Variants in ZNF629 observed in about 807,000 individuals in gnomAD.
The protein encoded by ZNF629 is DNA-binding protein.
A neutral mutation model predicts 59.7 loss-of-function variants in ZNF629; 9 were observed. The ratio of observed to expected loss-of-function variants is 0.15; its 90% CI spans 0.09 to 0.26. The LOEUF (loss-of-function observed/expected upper bound fraction) is 0.26, where lower values mean the gene tolerates loss of function less well. Among genes scored for constraint, ZNF629 ranks in the 10% least tolerant of loss-of-function variants. ZNF629 has a pLI of 1.00. For missense variants in ZNF629, 853 were observed against 1,165.4 expected, an observed-to-expected ratio of 0.73 and a Z score of 3.90; for synonymous variants, 509 against 498.9, an observed-to-expected ratio of 1.02 and a Z score of -0.27.
rs2054282332 is a variant in ZNF629, at chr16:30,781,705, C to G, written c.*13G>C. The G allele has an allele frequency of 6.3e-7, 1 of 1,599,048 alleles. No homozygotes were observed. Among genetic ancestry groups the G allele is most frequent in the African/African-American group, 1.3e-5 (1 of 74,092 alleles). On this transcript the variant is annotated 3_prime_UTR_variant, in exon 3 of 3. Coordinates refer to ENST00000262525, the MANE Select transcript of ZNF629 (RefSeq NM_001080417.3). ...CTCTGGAGAGAGCGAGGCCCCTGGTCTCCAGACCCATTTCACAGGGAGACA... is the reference window on the plus strand; with the variant it reads ...CTCTGGAGAGAGCGAGGCCCCTGGTGTCCAGACCCATTTCACAGGGAGACA...
Position 30,782,345 on chromosome 16 carries a change from G to A in ZNF629, c.1983C>T (p.Thr661=). ...SQRRGLLSSK[T]YICSHCGESF... ...TCTCTCCGCAGTGGGAGCAGATGTA[G>A]GTCTTGGAGGACAGCAGCCCCCGCC... The change falls in exon 3 of 3, where the codon ACC becomes ACT. Residue 661 remains threonine (T), a synonymous_variant. Transcript: ENST00000262525. 1 of 1,588,748 alleles carries A rather than the reference G, an allele frequency of 6.3e-7. No homozygotes were observed. The highest frequency in any genetic ancestry group is 8.6e-7 in the Non-Finnish European group (1 of 1,166,380).
At position 30,782,469 on chromosome 16, in the gene ZNF629, G is replaced by A; in HGVS notation, c.1859C>T (p.Pro620Leu). The stretch of plus-strand genomic sequence containing the variant: ...CCCGGGGTAGGAATTCCCTCTGAAA[G>A]GGAGCCTTGGGGATCGTAACTGAGG... ...KPPQLRSPRL[P>L]FRGNSYPGAA... Residue 620 changes from proline to leucine, a missense_variant, in exon 3 of 3, where the codon CCT becomes CTT. Physicochemically the swap from Pro to Leu is moderately conservative, Grantham distance 98 (BLOSUM62 -3). Transcript: ENST00000262525. The A allele has an allele frequency of 1.3e-6, 2 of 1,567,156 alleles. No homozygotes were observed. The highest frequency in any genetic ancestry group is 2.4e-5 in the East Asian group (1 of 42,222).
rs558609205 is a variant in ZNF629, at chr16:30,784,469, G to A, written c.14C>T (p.Thr5Ile). Residue 5 changes from threonine (T) to isoleucine (I), a missense_variant, in exon 2 of 3, where the codon ACT (threonine) becomes ATT (isoleucine). By Grantham distance (89) the Thr-to-Ile change is moderately conservative. Transcript: ENST00000262525. MEPETALWGPDLQGP... is the reference protein window; with the variant it reads MEPEIALWGPDLQGP... Reference sequence around the variant, plus strand: ...CTGCAGATCCGGGCCCCACAGCGCAGTCTCGGGCTCCATCCCAGAGCTCAG... The same window carrying A: ...CTGCAGATCCGGGCCCCACAGCGCAATCTCGGGCTCCATCCCAGAGCTCAG... 1.3e-6 allele frequency: 2 copies of A among 1,552,868 alleles called. No individual in the cohort carries two copies. Among genetic ancestry groups the A allele is most frequent in the Admixed American group, 1.9e-5 (1 of 52,140 alleles).
Position 30,782,646 on chromosome 16 carries a change from G to A in ZNF629, c.1682C>T (p.Thr561Ile), listed in dbSNP as rs1567294404. 3 of 1,579,826 alleles carry A rather than the reference G, an allele frequency of 1.9e-6. No individual in the cohort carries two copies. Among genetic ancestry groups the A allele is most frequent in the Non-Finnish European group, 2.6e-6 (3 of 1,163,346 alleles). ...GTGCGGCTTGGCTCCCGGCGGCGGG[G>A]TCAGCAGGGAGGGGTCCCCGAGCCC... is the stretch of plus-strand genomic sequence containing the variant. ...LLGLGDPSLL[T>I]PPPGAKPHKC... Residue 561 changes from threonine (T) to isoleucine (I), a missense_variant, in exon 3 of 3, where the codon ACC becomes ATC. This residue lies in a region of ZNF629 where 420 missense variants were observed against 435.6 expected (regional missense o/e 0.96). Coordinates refer to ENST00000262525, the MANE Select transcript of ZNF629 (RefSeq NM_001080417.3).
At position 30,778,937 on chromosome 16, in the gene ZNF629, C is replaced by A. The variant is rs539527557; in HGVS notation, c.*2781G>T. 6.6e-6 allele frequency: 1 copy of A among 152,262 alleles called. No individual in the cohort carries two copies. The highest frequency in any genetic ancestry group is 2.4e-5 in the African/African-American group (1 of 41,404). The allele number at this position is 152,262 out of a possible 1,614,324, so 9.4% of individuals were successfully genotyped here. A position where few individuals can be genotyped will look rare whatever the true frequency, so the allele number is the denominator to read the frequency against. On this transcript the variant is annotated 3_prime_UTR_variant, in exon 3 of 3. Transcript: ENST00000262525. ...TTGACCCCTGGGCCTTCATCTGAGC[C>A]GATCTGAGCAACTCTAGCCACTGCC...
Position 30,783,049 on chromosome 16 carries a change from C to G in ZNF629, c.1279G>C (p.Glu427Gln). Residue 427 changes from glutamate to glutamine, a missense_variant, in exon 3 of 3, where the codon GAG becomes CAG. This residue lies in a region of ZNF629 where 201 missense variants were observed against 536.5 expected (regional missense o/e 0.37). Coordinates refer to ENST00000262525, the MANE Select transcript of ZNF629 (RefSeq NM_001080417.3). ...LINHQRIHRG[E>Q]RPYICADCGK... ...CAGTCGGCGCAGATGTAGGGCCGCTCGCCGCGGTGGATGCGCTGGTGGTTG... is the reference window on the plus strand; with the variant it reads ...CAGTCGGCGCAGATGTAGGGCCGCTGGCCGCGGTGGATGCGCTGGTGGTTG... 1 of 1,614,042 alleles carries G rather than the reference C, an allele frequency of 6.2e-7. No homozygotes were observed. Among genetic ancestry groups the G allele is most frequent in the South Asian group, 1.1e-5 (1 of 91,080 alleles).
Position 30,786,301 on chromosome 16 carries a change from C to T in ZNF629, c.-34+727G>A, listed in dbSNP as rs2054331301. Among the ~76,000 whole-genome samples, 1 of 152,102 alleles carries T rather than the reference C, an allele frequency of 6.6e-6. No individual in the cohort carries two copies. Among genetic ancestry groups the T allele is most frequent in the African/African-American group, 2.4e-5 (1 of 41,398 alleles). On this transcript the variant is annotated intron_variant, in intron 1 of 2. Coordinates refer to ENST00000262525, the MANE Select transcript of ZNF629 (RefSeq NM_001080417.3). The surrounding 1 kb of genome is among the most constrained non-coding windows in gnomAD (Gnocchi z 4.8). ...GCCACACTGGGGGCTGCCTGATGTC[C>T]GGTCCGGGAAGGATGCCCTGCTGTG...
At chr16:30,785,141 C>G (rs56038936) in intron 1 of ZNF629, among the ~76,000 whole-genome samples, 38 of 152,146 alleles carry the variant, frequency 2.5e-4, no homozygotes, top group Non-Finnish European at 4.9e-4. Context: ...CTGCAGGAAC[C>G]GCCCAGAGGA....
rs747876288 is a variant in ZNF629 at position 30,782,421 on chromosome 16, G to C, written c.1907C>G (p.Ala636Gly). 8 of 1,566,526 alleles carry C rather than the reference G, an allele frequency of 5.1e-6. No homozygotes were observed. ...YPGAAEGRAE[A>G]PGQPLKPPEG... ...CGGCGGCTTAAGGGGCTGTCCGGGGGCCTCCGCTCTGCCCTCCGCAGCCCC... is the reference window on the plus strand; with the variant it reads ...CGGCGGCTTAAGGGGCTGTCCGGGGCCCTCCGCTCTGCCCTCCGCAGCCCC... Residue 636 changes from alanine to glycine, a missense_variant, in exon 3 of 3, where the codon GCC becomes GGC. By Grantham distance (60) the Ala-to-Gly change is moderately conservative (BLOSUM62 0). This residue lies in a region of ZNF629 where 420 missense variants were observed against 435.6 expected (regional missense o/e 0.96). Coordinates refer to ENST00000262525, the MANE Select transcript of ZNF629 (RefSeq NM_001080417.3).
chr16:30,781,446 C>G lies in ZNF629; in HGVS notation c.*272G>C, dbSNP rs1567293349. 3 of 313,058 alleles carry G rather than the reference C, an allele frequency of 9.6e-6. No homozygotes were observed. The highest frequency in any genetic ancestry group is 5.8e-6 in the Non-Finnish European group (1 of 172,396). 19.4% of individuals were successfully genotyped at this position (313,058 alleles called of 1,614,324 possible). A position where few individuals can be genotyped will look rare whatever the true frequency, so the allele number is the denominator to read the frequency against. On this transcript the variant is annotated 3_prime_UTR_variant, in exon 3 of 3. Transcript: ENST00000262525. ...CACTATGGTTTATAGGGTTTTTCTGCTACAGACTTAAAGGGCTTTTTTTTT... is the reference window on the plus strand; with the variant it reads ...CACTATGGTTTATAGGGTTTTTCTGGTACAGACTTAAAGGGCTTTTTTTTT...
chr16:30,780,113 C>T lies in ZNF629; in HGVS notation c.*1605G>A, dbSNP rs957525972. On this transcript the variant is annotated 3_prime_UTR_variant, in exon 3 of 3. Transcript: ENST00000262525. ...GGCCTGGCAAGGGAGGCTTTCTCAT[C>T]CTTCTGTTTCCTTCTGAAGGTTTCT... 2 of 152,658 alleles carry T rather than the reference C, an allele frequency of 1.3e-5. No individual in the cohort carries two copies. Among genetic ancestry groups the T allele is most frequent in the African/African-American group, 4.8e-5 (2 of 41,426 alleles). 9.5% of individuals were successfully genotyped at this position (152,658 alleles called of 1,614,324 possible).
In ZNF629 at chr16:30,779,443, C is replaced by T. The variant is rs1218498217; in HGVS notation, c.*2275G>A. 6.6e-6 allele frequency: 1 copy of T among 152,216 alleles called. No individual in the cohort carries two copies. The highest frequency in any genetic ancestry group is 1.5e-5 in the Non-Finnish European group (1 of 68,054). The allele number at this position is 152,216 out of a possible 1,614,324, so 9.4% of individuals were successfully genotyped here. ...CCTTAGACTTGGCAGACTTCTCATT[C>T]TTACAGGGCACCCCCTTCGTTGGCG... On this transcript the variant is annotated 3_prime_UTR_variant, in exon 3 of 3. Transcript: ENST00000262525.
In ZNF629 at chr16:30,781,694, A is replaced by G; in HGVS notation, c.*24T>C. On this transcript the variant is annotated 3_prime_UTR_variant, in exon 3 of 3. Transcript: ENST00000262525. Reference sequence around the variant, plus strand: ...CCAGTGTTCCTCTCTGGAGAGAGCGAGGCCCCTGGTCTCCAGACCCATTTC... The same window carrying G: ...CCAGTGTTCCTCTCTGGAGAGAGCGGGGCCCCTGGTCTCCAGACCCATTTC... 1 of 1,576,374 alleles carries G rather than the reference A, an allele frequency of 6.3e-7. No homozygotes were observed. Among genetic ancestry groups the G allele is most frequent in the East Asian group, 2.3e-5 (1 of 43,822 alleles).
In ZNF629 at chr16:30,783,789, C is replaced by G; in HGVS notation, c.539G>C (p.Cys180Ser). 6.2e-7 allele frequency: 1 copy of G among 1,613,676 alleles called. No individual in the cohort carries two copies. Among genetic ancestry groups the G allele is most frequent in the Non-Finnish European group, 8.5e-7 (1 of 1,179,892 alleles). Reference protein sequence around the residue: ...RIHTGERPNTCSECGKSFTQS... With the variant: ...RIHTGERPNTSSECGKSFTQS... ...CGTGAAGCTCTTGCCGCACTCGGAGCAGGTGTTGGGCCGCTCTCCCGTGTG... is the reference window on the plus strand; with the variant it reads ...CGTGAAGCTCTTGCCGCACTCGGAGGAGGTGTTGGGCCGCTCTCCCGTGTG... Residue 180 changes from cysteine (C) to serine (S), a missense_variant, in exon 3 of 3, where the codon TGC becomes TCC. Physicochemically the swap from Cys to Ser is moderately radical, Grantham distance 112. This residue lies in a region of ZNF629 where 201 missense variants were observed against 536.5 expected (regional missense o/e 0.37). Coordinates refer to ENST00000262525, the MANE Select transcript of ZNF629 (RefSeq NM_001080417.3).
chr16:30,783,940 C>T lies in ZNF629; in HGVS notation c.388G>A (p.Ala130Thr), dbSNP rs779143654. The T allele has an allele frequency of 7.5e-6, 12 of 1,589,526 alleles. No homozygotes were observed. In the Admixed American group the frequency reaches 1.6e-4, roughly 21 times the overall value. Reference protein sequence around the residue: ...TTWNSPPVVPANEPSLRELVQ... With the variant: ...TTWNSPPVVPTNEPSLRELVQ... ...AGCTCCCGCAGGCTGGGCTCGTTGGCGGGGACGACTGGGGGGCTGTTCCAT... is the reference window on the plus strand; with the variant it reads ...AGCTCCCGCAGGCTGGGCTCGTTGGTGGGGACGACTGGGGGGCTGTTCCAT... The change falls in exon 3 of 3, where the codon GCC becomes ACC. Residue 130 changes from alanine (A) to threonine (T), a missense_variant. By Grantham distance (58) the Ala-to-Thr change is moderately conservative. This residue lies in a region of ZNF629 where 232 missense variants were observed against 193.4 expected (regional missense o/e 1.20). Coordinates refer to ENST00000262525, the MANE Select transcript of ZNF629 (RefSeq NM_001080417.3).
In ZNF629 at chr16:30,783,386, G is replaced by A; in HGVS notation, c.942C>T (p.Gly314=). 6.2e-7 allele frequency: 1 copy of A among 1,612,118 alleles called. No homozygotes were observed. Among genetic ancestry groups the A allele is most frequent in the Non-Finnish European group, 8.5e-7 (1 of 1,179,398 alleles). The part of the protein sequence containing the change: ...NLLKHQKIHA[G]EKPYRCTECG... The stretch of plus-strand genomic sequence containing the variant: ...ACTCGGTGCAGCGGTATGGCTTCTC[G>A]CCCGCGTGGATCTTCTGGTGCTTGA... The change falls in exon 3 of 3, where the codon GGC becomes GGT. Residue 314 remains glycine (G), a synonymous_variant. Transcript: ENST00000262525.
Position 30,779,165 on chromosome 16 carries a change from C to T in ZNF629, c.*2553G>A, listed in dbSNP as rs1310170218. ...CGTACAAGAGCCAAGCCCCTTAGCC[C>T]TCACCCATCCCTACAACATGTGAGC... On this transcript the variant is annotated 3_prime_UTR_variant, in exon 3 of 3. Transcript: ENST00000262525. The T allele has an allele frequency of 6.6e-6, 1 of 152,234 alleles. No individual in the cohort carries two copies. The highest frequency in any genetic ancestry group is 6.5e-5 in the Admixed American group (1 of 15,270). 9.4% of individuals were successfully genotyped at this position (152,234 alleles called of 1,614,324 possible). A position where few individuals can be genotyped will look rare whatever the true frequency, so the allele number is the denominator to read the frequency against.
In ZNF629 at chr16:30,784,239, T is replaced by A; in HGVS notation, c.89A>T (p.Asn30Ile). ...TTCCTGCCGAGGGCTCTCCTCTTCG[T>A]TTTCACTCTCGGCACCTACAGAAAG... The part of the protein sequence containing the change: ...NDAHRGAESE[N>I]EEESPRQESS... Residue 30 changes from asparagine (N) to isoleucine (I), a missense_variant, in exon 3 of 3, where the codon AAC (asparagine) becomes ATC (isoleucine). By Grantham distance (149) the Asn-to-Ile change is moderately radical. Coordinates refer to ENST00000262525, the MANE Select transcript of ZNF629 (RefSeq NM_001080417.3). 1 of 1,602,832 alleles carries A rather than the reference T, an allele frequency of 6.2e-7. No individual in the cohort carries two copies. The highest frequency in any genetic ancestry group is 8.5e-7 in the Non-Finnish European group (1 of 1,177,570).
Position 30,782,658 on chromosome 16 carries a change from G to T in ZNF629, c.1670C>A (p.Pro557His). 6.3e-7 allele frequency: 1 copy of T among 1,584,796 alleles called. No individual in the cohort carries two copies. Among genetic ancestry groups the T allele is most frequent in the Non-Finnish European group, 8.6e-7 (1 of 1,165,994 alleles). ...QGDSLLGLGDPSLLTPPPGAK... is the reference protein window; with the variant it reads ...QGDSLLGLGDHSLLTPPPGAK... Reference sequence around the variant, plus strand: ...TCCCGGCGGCGGGGTCAGCAGGGAGGGGTCCCCGAGCCCCAGCAGGCTGTC... The same window carrying T: ...TCCCGGCGGCGGGGTCAGCAGGGAGTGGTCCCCGAGCCCCAGCAGGCTGTC... The change falls in exon 3 of 3, where the codon CCC becomes CAC. Residue 557 changes from proline (P) to histidine (H), a missense_variant. This residue lies in a region of ZNF629 where 420 missense variants were observed against 435.6 expected (regional missense o/e 0.96). Coordinates refer to ENST00000262525, the MANE Select transcript of ZNF629 (RefSeq NM_001080417.3).
Sources: gnomAD v4.1 joint callset for allele counts (sites outside exome capture counted in the v4.1 genomes callset) on GRCh38, gnomAD v4.1.1 for gene constraint, gnomAD v4.1.1 regional missense constraint, Gnocchi (gnomAD v3.1) non-coding constraint, MANE v1.5 for transcripts, NCBI Gene and HGNC (gene_info 2026-07-23, HGNC 2026-07-21) for gene names.